MPP7: variants seen among roughly 807,000 people sequenced by gnomAD.
MPP7 encodes the protein MAGUK p55 subfamily member 7.
MPP7 carries 60 observed loss-of-function variants against 76.5 expected under a neutral mutation model. The ratio of observed to expected loss-of-function variants is 0.78; its 90% CI spans 0.64 to 0.97. MPP7 has a LOEUF of 0.97. MPP7 is among the 50% of genes least tolerant of loss of function. The pLI, the probability that MPP7 is intolerant of heterozygous loss-of-function variation, is 0.00. For synonymous variants in MPP7, 237 were observed against 244.5 expected (o/e 0.97, Z 0.29); for missense variants, 641 against 694.0 (o/e 0.92, Z 0.86).
At chr10:28,246,474 C>T (rs991086651) in intron 1 of MPP7, among the ~76,000 whole-genome samples, 7 of 152,104 alleles carry the variant, frequency 4.6e-5, no homozygotes, top group African/African-American at 4.8e-5. Context: ...TGAAAGAACG[C>T]TAGACGGCAA....
intron 3 of MPP7, among the ~76,000 whole-genome samples, chr10:28,200,190 C>T (rs961557419): frequency 3.3e-5 from 5 of 152,144 alleles, no homozygotes; most frequent in African/African-American, 1.2e-4. Flanking sequence ...TCCCAGGAAC[C>T]TGCCTCCTGA....
At chr10:28,276,675 C>A (rs765153903) in intron 1 of MPP7, among the ~76,000 whole-genome samples, 8 of 152,008 alleles carry the variant, frequency 5.3e-5, no homozygotes, top group Non-Finnish European at 1.0e-4. Flanking sequence ...GTCATGCACA[C>A]GTAGGTTTGA....
rs147805682 is a variant in MPP7 at position 28,163,623 on chromosome 10, C to T, written c.157-13564G>A. ...AAAATAGTACTTGGAATTTGACTGC[C>T]TGTAGTGGGAGAAAGAAGTGTCTGG... On this transcript the variant is annotated intron_variant, in intron 3 of 16. Coordinates refer to ENST00000683449, the MANE Select transcript of MPP7 (RefSeq NM_001318170.2). Among the ~76,000 whole-genome samples, 121 of 152,096 alleles carry T rather than the reference C, an allele frequency of 8.0e-4. 1 individual carries two copies. Among genetic ancestry groups the T allele is most frequent in the African/African-American group, 2.7e-3 (111 of 41,514 alleles).
At chr10:28,236,816 T>C (rs1471962863) in intron 2 of MPP7, 3 of 151,594 alleles carry the variant, frequency 2.0e-5, no homozygotes, top group East Asian at 1.9e-4. Flanking sequence ...TCAGCGACAC[T>C]GCTAAGCAAC....
At chr10:28,290,957 T>G (rs931080125) in intron 1 of MPP7, among the ~76,000 whole-genome samples, 2 of 152,202 alleles carry the variant, frequency 1.3e-5, no homozygotes, top group African/African-American at 4.8e-5. Flanking sequence ...ACATGAAAAT[T>G]AACTTATTCT....
chr10:28,052,687 C>G lies in MPP7; in HGVS notation c.*1378G>C, dbSNP rs1215822573. The G allele has an allele frequency of 6.6e-6, 1 of 152,184 alleles. No homozygotes were observed. Among genetic ancestry groups the G allele is most frequent in the Non-Finnish European group, 1.5e-5 (1 of 67,998 alleles). The allele number at this position is 152,184 out of a possible 1,614,324, so 9.4% of individuals were successfully genotyped here. On this transcript the variant is annotated 3_prime_UTR_variant, in exon 17 of 17. Coordinates refer to ENST00000683449, the MANE Select transcript of MPP7 (RefSeq NM_001318170.2). ...CCCGTTTGATATTTAAAAAAATATG[C>G]CTTTAAAATATTTCATAAATATATA...
intron 1 of MPP7, among the ~76,000 whole-genome samples, chr10:28,278,055 T>C (rs1840557173): frequency 6.6e-6 from 1 of 152,130 alleles, no homozygotes; most frequent in African/African-American, 2.4e-5. Flanking sequence ...AGATTAATAT[T>C]ATAAATAACA....
At chr10:28,122,968 T>G (rs900440689) in intron 8 of MPP7, among the ~76,000 whole-genome samples, 1 of 129,092 alleles carries the variant, frequency 7.7e-6, no homozygotes, top group East Asian at 2.2e-4. Flanking sequence ...GCAATTTTTG[T>G]TTTTTTTGCA....
chr10:28,278,765 A>T (rs1219995185), intron 1 of MPP7, among the ~76,000 whole-genome samples: 1 of 151,924 alleles, frequency 6.6e-6, no homozygotes, highest in Non-Finnish European at 1.5e-5. Context: ...AAAACTGGAA[A>T]GGGGAACAAA....
At chr10:28,301,650 T>C (rs1841157986) in intron 1 of MPP7, among the ~76,000 whole-genome samples, 1 of 152,170 alleles carries the variant, frequency 6.6e-6, no homozygotes, top group Admixed American at 6.5e-5. Flanking sequence ...TTCCTTTCAT[T>C]TCTAGGGCTT....
In MPP7 at chr10:28,095,194, C is replaced by CATATATATATATATATAT. The variant is rs10528025; in HGVS notation, c.953-5371_953-5354dup. ...TATCTGATATACATACACACATATG[C>CATATATATATATATATAT]ATATATATATATATATATATATATA... On this transcript the variant is annotated intron_variant, in intron 11 of 16. Transcript: ENST00000683449. Among the ~76,000 whole-genome samples the CATATATATATATATATAT allele has an allele frequency of 5.5e-3, 716 of 130,540 alleles. 12 individuals carry two copies. Among genetic ancestry groups the CATATATATATATATATAT allele is most frequent in the East Asian group, 0.052 (94 of 1,820 alleles). The allele number at this position is 130,540 out of a possible 152,430, so 85.6% of individuals were successfully genotyped here.
intron 2 of MPP7, among the ~76,000 whole-genome samples, chr10:28,309,413 C>CAAA (rs3064166): frequency 0.14 from 18,160 of 130,720 alleles, 1,599 homozygotes; most frequent in African/African-American, 0.25. Flanking sequence ...GACTCCATCT[C>CAAA]AAAAAAAAAA....
chr10:28,146,154 G>A (rs978042031), intron 5 of MPP7, among the ~76,000 whole-genome samples: 2 of 152,128 alleles, frequency 1.3e-5, no homozygotes, highest in East Asian at 1.9e-4. Context: ...TCTTCAGAAC[G>A]TTCTGTGGCT....
At chr10:28,144,844 C>T (rs1167041285) in intron 5 of MPP7, among the ~76,000 whole-genome samples, 2 of 152,070 alleles carry the variant, frequency 1.3e-5, no homozygotes, top group African/African-American at 2.4e-5. Context: ...CACTAGTGTA[C>T]GTATATCCTC....
intron 1 of MPP7, among the ~76,000 whole-genome samples, chr10:28,279,148 G>A (rs1039723732): frequency 2.0e-5 from 3 of 151,998 alleles, no homozygotes; most frequent in South Asian, 2.1e-4. Context: ...CCTGAGCTAC[G>A]GGCAAGTTCT....
chr10:28,232,540 A>G (rs1238679837), intron 2 of MPP7, among the ~76,000 whole-genome samples: 1 of 152,214 alleles, frequency 6.6e-6, no homozygotes, highest in Non-Finnish European at 1.5e-5. Flanking sequence ...TTTTTTTAAA[A>G]TAATACTTTT....
At chr10:28,070,042 A>G (rs184053760) in intron 12 of MPP7, among the ~76,000 whole-genome samples, 190 bp from the exon 13 acceptor site, 7 of 152,280 alleles carry the variant, frequency 4.6e-5, no homozygotes, top group African/African-American at 9.6e-5. Context: ...TACTTTTTCA[A>G]TTGAAATCCT....
At chr10:28,322,202 G>A (rs1834375080) in intron 2 of MPP7, among the ~76,000 whole-genome samples, 1 of 151,956 alleles carries the variant, frequency 6.6e-6, no homozygotes, top group South Asian at 2.1e-4. Context: ...GGAGAAGTGG[G>A]AGGAAGAGAT....
intron 1 of MPP7, among the ~76,000 whole-genome samples, chr10:28,277,999 G>A (rs1840555919): frequency 1.3e-5 from 2 of 152,044 alleles, no homozygotes; most frequent in South Asian, 4.1e-4. Context: ...TTGTCCAACA[G>A]GCTGCCAGGG....
Sources: gnomAD v4.1 joint callset for allele counts (sites outside exome capture counted in the v4.1 genomes callset) on GRCh38, gnomAD v4.1.1 for gene constraint, MANE v1.5 for transcripts, NCBI Gene and HGNC (gene_info 2026-07-23, HGNC 2026-07-21) for gene names.